Variants in MEI4 observed in about 807,000 individuals in gnomAD.
MEI4 encodes the protein meiotic double-stranded break formation protein 4, also known as meiosis-specific protein MEI4.
A neutral mutation model predicts 31.4 loss-of-function variants in MEI4; 27 were observed. That is an observed-to-expected ratio of 0.86 (90% confidence interval 0.63 to 1.19). The LOEUF is 1.19. MEI4 is among the 50% of genes most tolerant of loss of function. The pLI, the probability that MEI4 is intolerant of heterozygous loss-of-function variation, is 0.00. For missense variants in MEI4, 329 were observed against 398.9 expected (o/e 0.82, Z 1.49); for synonymous variants, 122 against 145.4 (o/e 0.84, Z 1.16).
Position 77,761,259 on chromosome 6 carries a change from T to C in MEI4, c.362T>C (p.Phe121Ser), listed in dbSNP as rs940179533. The C allele has an allele frequency of 9.7e-6, 12 of 1,232,642 alleles. No homozygotes were observed. The highest frequency in any genetic ancestry group is 1.0e-5 in the Non-Finnish European group (10 of 988,050). The allele number at this position is 1,232,642 out of a possible 1,614,324, so 76.4% of individuals were successfully genotyped here. The change falls in exon 3 of 5, where the codon TTT becomes TCT. Residue 121 changes from phenylalanine (F) to serine (S), a missense_variant. Transcript: ENST00000684080. ...RTESSDLSQHFVESCTPTHFP... is the reference protein window; with the variant it reads ...RTESSDLSQHSVESCTPTHFP... ...GAATCCTCAGACCTGTCCCAGCACT[T>C]TGTGGAAAGCTGTACCCCCACTCAC...
At chr6:77,762,509 G>A (rs1768068108) in intron 3 of MEI4, among the ~76,000 whole-genome samples, 1 of 152,086 alleles carries the variant, frequency 6.6e-6, no homozygotes, top group Admixed American at 6.6e-5. Context: ...GAAACTAAAA[G>A]GTCTATCTAA....
At chr6:77,703,139 C>G (rs1766260826) in intron 2 of MEI4, among the ~76,000 whole-genome samples, 1 of 152,164 alleles carries the variant, frequency 6.6e-6, no homozygotes. Context: ...CAGTTCCTGT[C>G]ATGGAGGGAC....
intron 1 of MEI4, among the ~76,000 whole-genome samples, chr6:77,669,135 T>G (rs538221785): frequency 6.6e-6 from 1 of 152,316 alleles, no homozygotes; most frequent in South Asian, 2.1e-4. Flanking sequence ...TTAATAAATG[T>G]CTATAATCAT....
intron 2 of MEI4, among the ~76,000 whole-genome samples, chr6:77,707,996 T>G (rs1766369048): frequency 6.6e-6 from 1 of 152,194 alleles, no homozygotes; most frequent in African/African-American, 2.4e-5. Flanking sequence ...GTAGAGAGCT[T>G]CTACTAGGGC....
At chr6:77,695,563 C>G (rs1197660472) in intron 2 of MEI4, among the ~76,000 whole-genome samples, 1 of 152,160 alleles carries the variant, frequency 6.6e-6, no homozygotes, top group Non-Finnish European at 1.5e-5. Context: ...TGTCAAAGAT[C>G]AGATAGTTGT....
intron 4 of MEI4, among the ~76,000 whole-genome samples, chr6:77,835,346 G>A (rs1234752077): frequency 7.1e-6 from 1 of 141,184 alleles, no homozygotes; most frequent in Non-Finnish European, 1.5e-5. Context: ...GGCAACAAGA[G>A]TGAAACTCCA....
chr6:77,731,143 A>C (rs1330628335), intron 2 of MEI4, among the ~76,000 whole-genome samples: 6 of 151,878 alleles, frequency 4.0e-5, no homozygotes, highest in Non-Finnish European at 7.3e-5. Context: ...GTACATACCC[A>C]GTAATGGGAT....
chr6:77,656,659 G>A (rs762724410), intron 1 of MEI4, among the ~76,000 whole-genome samples: 5 of 152,006 alleles, frequency 3.3e-5, no homozygotes, highest in African/African-American at 4.8e-5. Flanking sequence ...TTTTCATAAC[G>A]GTGCATAAAA....
At chr6:77,750,072 G>C (rs1767728301) in intron 2 of MEI4, among the ~76,000 whole-genome samples, 1 of 152,212 alleles carries the variant, frequency 6.6e-6, no homozygotes, top group Non-Finnish European at 1.5e-5. Flanking sequence ...CAAATGCTGA[G>C]AGATTTTTGT....
intron 1 of MEI4, among the ~76,000 whole-genome samples, chr6:77,680,664 TTAA>T (rs956143952): frequency 6.6e-6 from 1 of 152,172 alleles, no homozygotes; most frequent in African/African-American, 2.4e-5. Context: ...TCCCTCTCTC[TTAA>T]TAAGTTATTT....
intron 4 of MEI4, among the ~76,000 whole-genome samples, chr6:77,914,820 T>C (rs930081854): frequency 2.0e-5 from 3 of 152,138 alleles, no homozygotes; most frequent in Non-Finnish European, 4.4e-5. Flanking sequence ...TTTTATCATA[T>C]AGATTGACTT....
chr6:77,856,954 A>G (rs1331761721), intron 4 of MEI4, among the ~76,000 whole-genome samples: 1 of 152,210 alleles, frequency 6.6e-6, no homozygotes, highest in African/African-American at 2.4e-5. Flanking sequence ...GCATTATGCT[A>G]ATCTCCTTAC....
intron 2 of MEI4, among the ~76,000 whole-genome samples, chr6:77,707,845 G>T (rs1262506776): frequency 1.3e-5 from 2 of 152,348 alleles, no homozygotes; most frequent in Admixed American, 6.5e-5. Context: ...ATAAGCCTTG[G>T]CAGCTTCCAC....
At chr6:77,678,990 T>C (rs767885479) in intron 1 of MEI4, among the ~76,000 whole-genome samples, 2 of 151,918 alleles carry the variant, frequency 1.3e-5, no homozygotes, top group Non-Finnish European at 2.9e-5. Context: ...GTTTATAGAA[T>C]AAGGACATAA....
intron 2 of MEI4, among the ~76,000 whole-genome samples, chr6:77,732,883 A>T (rs1202521487): frequency 1.3e-5 from 2 of 151,750 alleles, no homozygotes; most frequent in African/African-American, 4.8e-5. Context: ...CTATTGAGAT[A>T]ATCATGTGGT....
intron 1 of MEI4, among the ~76,000 whole-genome samples, chr6:77,661,246 G>A (rs778843429): frequency 3.9e-5 from 6 of 152,108 alleles, no homozygotes; most frequent in Non-Finnish European, 8.8e-5. Context: ...ATTGAGGATG[G>A]TAAGGGATAT....
intron 4 of MEI4, among the ~76,000 whole-genome samples, chr6:77,922,769 G>A (rs1487173917): frequency 6.6e-6 from 1 of 151,540 alleles, no homozygotes; most frequent in Admixed American, 6.6e-5. Context: ...TTTAACACTG[G>A]TATGACTCCT....
chr6:77,658,596 C>T (rs937826610), intron 1 of MEI4, among the ~76,000 whole-genome samples: 3 of 151,704 alleles, frequency 2.0e-5, no homozygotes, highest in East Asian at 3.9e-4. Context: ...TTAGGGGCGG[C>T]GTGGGAACCT....
intron 4 of MEI4, among the ~76,000 whole-genome samples, chr6:77,875,063 C>G (rs1771300212): frequency 6.6e-6 from 1 of 152,084 alleles, no homozygotes; most frequent in African/African-American, 2.4e-5. Context: ...CCACCTCATG[C>G]TAATTTTTCT....
Sources: allele counts gnomAD v4.1 joint callset (sites outside exome capture counted in the v4.1 genomes callset), GRCh38; gene constraint gnomAD v4.1.1; transcripts MANE v1.5; gene names NCBI Gene and HGNC (gene_info 2026-07-23, HGNC 2026-07-21).